The following STK33 variants were observed in gnomAD, a reference collection of about 807,000 sequenced individuals.
STK33 encodes the protein serine/threonine-protein kinase 33.
STK33 carries 52 observed loss-of-function variants against 58.0 expected under a neutral mutation model. The ratio of observed to expected loss-of-function variants is 0.90; its 90% CI spans 0.72 to 1.13. The LOEUF (loss-of-function observed/expected upper bound fraction) is 1.13. Ranked by LOEUF, STK33 falls within the 50% of genes most tolerant of loss-of-function variation. The pLI, the probability that STK33 is intolerant of heterozygous loss-of-function variation, is 0.00. For synonymous variants in STK33, 215 were observed against 200.1 expected, an observed-to-expected ratio of 1.07 and a Z score of -0.63; for missense variants, 630 against 604.2, an observed-to-expected ratio of 1.04 and a Z score of -0.45.
intron 11 of STK33, among the ~76,000 whole-genome samples, chr11:8,449,029 A>G (rs1446643476): frequency 6.6e-6 from 1 of 151,794 alleles, no homozygotes; most frequent in Non-Finnish European, 1.5e-5. Flanking sequence ...GACACGTGAA[A>G]AAATGCTCAT....
At chr11:8,561,662 A>G (rs1195247393) in intron 1 of STK33, among the ~76,000 whole-genome samples, 19 of 152,118 alleles carry the variant, frequency 1.2e-4, no homozygotes, top group Admixed American at 1.2e-3. Flanking sequence ...CCAATAACAC[A>G]TATGTTGGAT....
the STK33 span, among the ~76,000 whole-genome samples, chr11:8,367,871 T>TCACA: frequency 6.6e-6 from 1 of 151,832 alleles, no homozygotes; most frequent in Non-Finnish European, 1.5e-5. Context: ...GACACACTCA[T>TCACA]CACACACACA....
intron 6 of STK33, chr11:8,466,492 T>A (rs182718980): frequency 6.6e-6 from 1 of 152,374 alleles, no homozygotes; most frequent in African/African-American, 2.4e-5. Context: ...ATGTCTCACA[T>A]CCAGGTCACG....
At chr11:8,453,606 A>G (rs2136981017) in intron 10 of STK33, among the ~76,000 whole-genome samples, 1 of 152,350 alleles carries the variant, frequency 6.6e-6, no homozygotes, top group Middle Eastern at 3.4e-3. Flanking sequence ...GTCATTAAAC[A>G]TTTAGTTATT....
At chr11:8,430,793 T>C (rs1467561654) in intron 14 of STK33, among the ~76,000 whole-genome samples, 2 of 152,268 alleles carry the variant, frequency 1.3e-5, no homozygotes, top group Middle Eastern at 3.4e-3. Flanking sequence ...TGTTGAATTA[T>C]TGAGTATATA....
chr11:8,508,855 G>T (rs1029383552), intron 1 of STK33, among the ~76,000 whole-genome samples: 2 of 152,156 alleles, frequency 1.3e-5, no homozygotes. Flanking sequence ...AGTGGCTCAA[G>T]CCTATAATCC....
chr11:8,526,592 A>C (rs1332448353), intron 1 of STK33, among the ~76,000 whole-genome samples: 1 of 152,148 alleles, frequency 6.6e-6, no homozygotes, highest in East Asian at 1.9e-4. Context: ...ATAGCAATAA[A>C]AACCTGGAGA....
At chr11:8,411,381 T>C (rs1940214454) in intron 15 of STK33, among the ~76,000 whole-genome samples, 1 of 152,202 alleles carries the variant, frequency 6.6e-6, no homozygotes, top group Non-Finnish European at 1.5e-5. Flanking sequence ...CAGACTGCAT[T>C]TTCCCATAAT....
chr11:8,357,829 G>T, the STK33 span, among the ~76,000 whole-genome samples: 1,575 of 152,294 alleles, frequency 0.01, 23 homozygotes, highest in African/African-American at 0.036. Flanking sequence ...TCTACATGGG[G>T]CCACCAGCTC....
At chr11:8,564,494 C>T (rs1957320926) in intron 1 of STK33, among the ~76,000 whole-genome samples, 2 of 152,120 alleles carry the variant, frequency 1.3e-5, no homozygotes, top group Non-Finnish European at 1.5e-5. Context: ...CAAAGTTTCA[C>T]CCAAGAGATA....
intron 14 of STK33, among the ~76,000 whole-genome samples, chr11:8,424,410 C>T (rs1396594714): frequency 1.3e-5 from 2 of 149,864 alleles, no homozygotes; most frequent in Non-Finnish European, 3.0e-5. Context: ...TGGGTTGGTT[C>T]CAAGTCTTTG....
At chr11:8,553,180 A>ATGG (rs1956441671) in intron 1 of STK33, among the ~76,000 whole-genome samples, 1 of 76,126 alleles carries the variant, frequency 1.3e-5, no homozygotes, top group South Asian at 4.5e-4. Flanking sequence ...ATATATATAT[A>ATGG]TATATATATA....
chr11:8,363,753 G>C, the STK33 span, among the ~76,000 whole-genome samples: 1 of 152,186 alleles, frequency 6.6e-6, no homozygotes, highest in South Asian at 2.1e-4. Context: ...AAGTTTCTTT[G>C]TCAAAACGTT....
chr11:8,434,996 A>T (rs890946210), intron 14 of STK33, among the ~76,000 whole-genome samples: 2 of 152,220 alleles, frequency 1.3e-5, no homozygotes, highest in African/African-American at 4.8e-5. Flanking sequence ...AAGATCAGTA[A>T]GACACAAGGT....
At chr11:8,516,766 G>T (rs1350168622) in intron 1 of STK33, among the ~76,000 whole-genome samples, 1 of 152,216 alleles carries the variant, frequency 6.6e-6, no homozygotes, top group Non-Finnish European at 1.5e-5. Flanking sequence ...GAACTGCAAG[G>T]TGGCAGCAAG....
chr11:8,411,764 G>T (rs1940284257), intron 15 of STK33, among the ~76,000 whole-genome samples: 1 of 152,080 alleles, frequency 6.6e-6, no homozygotes, highest in Admixed American at 6.6e-5. Flanking sequence ...CTCTGACTAT[G>T]GAAAAATTTT....
intron 1 of STK33, among the ~76,000 whole-genome samples, chr11:8,588,910 C>G (rs983725743): frequency 2.6e-5 from 4 of 152,132 alleles, no homozygotes; most frequent in African/African-American, 9.7e-5. Flanking sequence ...CATATTAACA[C>G]ATGAAAAGAT....
the STK33 span, among the ~76,000 whole-genome samples, chr11:8,344,657 T>C: frequency 6.6e-6 from 1 of 152,332 alleles, no homozygotes; most frequent in South Asian, 2.1e-4. Context: ...AAATGACCAT[T>C]ATTTTATATC....
chr11:8,553,286 C>T (rs1956498593), intron 1 of STK33, among the ~76,000 whole-genome samples: 1 of 133,534 alleles, frequency 7.5e-6, no homozygotes, highest in Admixed American at 8.2e-5. Context: ...AATATATAAA[C>T]CAGTAACATA....
Sources: gnomAD v4.1 joint callset for allele counts (sites outside exome capture counted in the v4.1 genomes callset) on GRCh38, gnomAD v4.1.1 for gene constraint, MANE v1.5 for transcripts, NCBI Gene and HGNC (gene_info 2026-07-23, HGNC 2026-07-21) for gene names.